Variants in MCPH1 observed in about 807,000 individuals in gnomAD.
MCPH1 encodes microcephalin 1, also known as microcephalin.
A neutral mutation model predicts 84.5 loss-of-function variants in MCPH1; 104 were observed. The observed-to-expected ratio is 1.23, with a 90% CI of 1.05 to 1.45. The LOEUF is 1.45. Ranked by LOEUF, MCPH1 falls within the 40% of genes most tolerant of loss-of-function variation. The probability of loss-of-function intolerance (pLI) is 0.00; values close to 1 mark genes in which losing one functional copy is unlikely to be tolerated. For synonymous variants in MCPH1, 514 were observed against 366.8 expected (o/e 1.40, Z -4.58); for missense variants, 1,498 against 1,005.7 (o/e 1.49, Z -6.62).
chr8:6,601,250 G>A (rs1173304298), intron 12 of MCPH1, among the ~76,000 whole-genome samples: 6 of 152,246 alleles, frequency 3.9e-5, no homozygotes, highest in African/African-American at 1.2e-4. Context: ...GTGCATCTCT[G>A]GAAAACAGTT....
intron 12 of MCPH1, among the ~76,000 whole-genome samples, chr8:6,536,077 A>G (rs1472225234): frequency 1.3e-5 from 2 of 152,124 alleles, no homozygotes; most frequent in Non-Finnish European, 1.5e-5. Context: ...AAAAATTAAA[A>G]TTAAAAGTAA....
intron 12 of MCPH1, among the ~76,000 whole-genome samples, chr8:6,576,399 T>A (rs1337733744): frequency 6.6e-6 from 1 of 152,194 alleles, no homozygotes; most frequent in Non-Finnish European, 1.5e-5. Flanking sequence ...TAGTTGATAA[T>A]GGCTCATTAT....
intron 12 of MCPH1, among the ~76,000 whole-genome samples, chr8:6,587,586 G>T (rs1423294467): frequency 6.6e-6 from 1 of 152,180 alleles, no homozygotes; most frequent in African/African-American, 2.4e-5. Context: ...GCATGGATTT[G>T]TATGTAGCTA....
At chr8:6,482,104 T>C (rs1405039638) in intron 11 of MCPH1, among the ~76,000 whole-genome samples, 1 of 152,172 alleles carries the variant, frequency 6.6e-6, no homozygotes, top group Non-Finnish European at 1.5e-5. Flanking sequence ...TCTCGTGATT[T>C]TGCAGTGTTT....
At chr8:6,628,279 G>A (rs1350916947) in intron 13 of MCPH1, among the ~76,000 whole-genome samples, 1 of 151,858 alleles carries the variant, frequency 6.6e-6, no homozygotes, top group Non-Finnish European at 1.5e-5. Flanking sequence ...GACCATCCTG[G>A]CTAACACAGT....
At chr8:6,442,197 T>A (rs747059973) in intron 7 of MCPH1, 41 bp downstream of exon 7, 15 of 1,261,898 alleles carry the variant, frequency 1.2e-5, no homozygotes, top group Non-Finnish European at 1.5e-5. Context: ...GTTTAAGTTT[T>A]GAGAATAATA....
At chr8:6,559,805 C>T (rs1234709779) in intron 12 of MCPH1, among the ~76,000 whole-genome samples, 2 of 152,172 alleles carry the variant, frequency 1.3e-5, no homozygotes, top group East Asian at 1.9e-4. Flanking sequence ...GCAAGAGAGA[C>T]GTAGCATGAG....
At chr8:6,418,872 G>A (rs1366724067) in intron 3 of MCPH1, among the ~76,000 whole-genome samples, 3 of 152,104 alleles carry the variant, frequency 2.0e-5, no homozygotes, top group East Asian at 3.9e-4. Flanking sequence ...GAGCCACAGC[G>A]CCCGGCCAGG....
chr8:6,416,676 A>C (rs1419917204), intron 3 of MCPH1, among the ~76,000 whole-genome samples: 1 of 152,136 alleles, frequency 6.6e-6, no homozygotes, highest in Admixed American at 6.5e-5. Flanking sequence ...GTCATGTTGT[A>C]TACGTTGTCA....
At chr8:6,599,822 A>C (rs1309595232) in intron 12 of MCPH1, among the ~76,000 whole-genome samples, 1 of 152,256 alleles carries the variant, frequency 6.6e-6, no homozygotes, top group Non-Finnish European at 1.5e-5. Flanking sequence ...TAAATAAAGC[A>C]AGCGGGAATT....
At chr8:6,593,381 C>T (rs1240792893) in intron 12 of MCPH1, among the ~76,000 whole-genome samples, 1 of 148,608 alleles carries the variant, frequency 6.7e-6, no homozygotes, top group African/African-American at 2.5e-5. Context: ...CCAAACTCAA[C>T]TTATAATTTA....
chr8:6,452,313 A>G (rs1467669946), intron 8 of MCPH1, among the ~76,000 whole-genome samples: 1 of 152,208 alleles, frequency 6.6e-6, no homozygotes, highest in African/African-American at 2.4e-5. Context: ...ACTAGCTTTC[A>G]TTGATGTGTT....
chr8:6,424,465 C>T (rs1442235823), intron 3 of MCPH1, among the ~76,000 whole-genome samples: 3 of 152,154 alleles, frequency 2.0e-5, no homozygotes, highest in Admixed American at 1.3e-4. Flanking sequence ...CCTTTCCTCC[C>T]GGAATCCTCA....
chr8:6,611,678 G>A (rs1213449836), intron 12 of MCPH1, among the ~76,000 whole-genome samples: 1 of 152,102 alleles, frequency 6.6e-6, no homozygotes, highest in Non-Finnish European at 1.5e-5. Flanking sequence ...GAGTGCAGTG[G>A]CGCCATCTCA....
At chr8:6,613,337 C>T (rs1289369789) in intron 12 of MCPH1, among the ~76,000 whole-genome samples, 1 of 152,190 alleles carries the variant, frequency 6.6e-6, no homozygotes, top group Non-Finnish European at 1.5e-5. Flanking sequence ...GACTGGCACA[C>T]CAGCCAGATT....
At chr8:6,562,197 C>T (rs943146643) in intron 12 of MCPH1, among the ~76,000 whole-genome samples, 1 of 152,170 alleles carries the variant, frequency 6.6e-6, no homozygotes, top group African/African-American at 2.4e-5. Context: ...CGTTATGCCT[C>T]GGTCATCAGC....
intron 12 of MCPH1, among the ~76,000 whole-genome samples, chr8:6,597,248 C>T (rs1457326250): frequency 1.3e-5 from 2 of 152,194 alleles, no homozygotes; most frequent in Admixed American, 1.3e-4. Flanking sequence ...ACCATGGACG[C>T]CGTCTTTACC....
At chr8:6,467,594 C>T (rs1316728409) in intron 9 of MCPH1, among the ~76,000 whole-genome samples, 2 of 151,150 alleles carry the variant, frequency 1.3e-5, no homozygotes, top group Non-Finnish European at 3.0e-5. Flanking sequence ...TGGTATAATT[C>T]TTTTTTTTTG....
At chr8:6,411,700 A>G (rs1798562054) in intron 2 of MCPH1, among the ~76,000 whole-genome samples, 1 of 152,212 alleles carries the variant, frequency 6.6e-6, no homozygotes. Context: ...CTATTTTGTT[A>G]TCATTATTGT....
Sources: allele counts gnomAD v4.1 joint callset (sites outside exome capture counted in the v4.1 genomes callset), GRCh38; gene constraint gnomAD v4.1.1; transcripts MANE v1.5; gene names NCBI Gene and HGNC (gene_info 2026-07-23, HGNC 2026-07-21).